Variants in WWOX observed in about 807,000 individuals in gnomAD.
WWOX encodes the protein WW domain-containing oxidoreductase.
A neutral mutation model predicts 46.2 loss-of-function variants in WWOX; 69 were observed. The ratio of observed to expected loss-of-function variants is 1.49; its 90% CI spans 1.23 to 1.82. The LOEUF is 1.82. Among genes scored for constraint, WWOX ranks in the 40% most tolerant of loss-of-function variants. WWOX has a pLI of 0.00. For missense variants in WWOX, 919 were observed against 542.6 expected (o/e 1.69, Z -6.89); for synonymous variants, 359 against 202.6 (o/e 1.77, Z -6.56).
chr16:78,977,489 A>G (rs968911914), intron 8 of WWOX, among the ~76,000 whole-genome samples: 1 of 151,928 alleles, frequency 6.6e-6, no homozygotes, highest in Non-Finnish European at 1.5e-5. Context: ...CCTTTACTTT[A>G]TTTTCCCTAT....
At chr16:78,786,102 AT>A (rs1273150085) in intron 8 of WWOX, among the ~76,000 whole-genome samples, 1 of 151,970 alleles carries the variant, frequency 6.6e-6, no homozygotes, top group African/African-American at 2.4e-5. Flanking sequence ...TAGAGGCGAG[AT>A]TTTCCCGTGT....
At chr16:79,164,774 ACT>A (rs1035105616) in intron 8 of WWOX, among the ~76,000 whole-genome samples, 24 of 152,142 alleles carry the variant, frequency 1.6e-4, no homozygotes, top group African/African-American at 5.8e-4. Context: ...GGGTCAGCAA[ACT>A]CAGTGACAGA....
At chr16:78,840,726 G>T (rs148360984) in intron 8 of WWOX, among the ~76,000 whole-genome samples, 91 of 150,814 alleles carry the variant, frequency 6.0e-4, no homozygotes, top group Middle Eastern at 3.4e-3. Context: ...AATTTTTGTG[G>T]GTACCTAGTA....
At chr16:78,775,453 A>G (rs1331295912) in intron 8 of WWOX, among the ~76,000 whole-genome samples, 1 of 152,110 alleles carries the variant, frequency 6.6e-6, no homozygotes, top group African/African-American at 2.4e-5. Context: ...AAGAACTGAG[A>G]TACCCAGACT....
intron 5 of WWOX, among the ~76,000 whole-genome samples, chr16:78,279,573 A>G (rs2079640064): frequency 6.6e-6 from 1 of 152,170 alleles, no homozygotes; most frequent in Non-Finnish European, 1.5e-5. Flanking sequence ...TAAATGCTAT[A>G]TGGAAGCCTT....
In WWOX at chr16:79,013,616, G is replaced by A. The variant is rs1339809265; in HGVS notation, c.1057-197992G>A. 2.0e-5 allele frequency among the ~76,000 whole-genome samples: 3 copies of A among 152,114 alleles called. No individual in the cohort carries two copies. In the East Asian group the frequency reaches 5.8e-4, roughly 29 times the overall value. ...GGACAGCCCACTCACCAAGGGTTAGGTCCTGTGCTGCCTGGGTCCCGGGTC... is the reference window on the plus strand; with the variant it reads ...GGACAGCCCACTCACCAAGGGTTAGATCCTGTGCTGCCTGGGTCCCGGGTC... On this transcript the variant is annotated intron_variant, in intron 8 of 8. Coordinates refer to ENST00000566780, the MANE Select transcript of WWOX (RefSeq NM_016373.4).
chr16:78,242,072 G>A (rs1325664011), intron 5 of WWOX, among the ~76,000 whole-genome samples: 2 of 152,218 alleles, frequency 1.3e-5, no homozygotes, highest in African/African-American at 2.4e-5. Flanking sequence ...TGCAGGAGCT[G>A]TTAGCCTTGC....
At position 79,189,643 on chromosome 16, in the gene WWOX, C is replaced by G. The variant is rs114793086; in HGVS notation, c.1057-21965C>G. On this transcript the variant is annotated intron_variant, in intron 8 of 8. Transcript: ENST00000566780. ...GAGGAATAATTATTTCTAGTAATTT[C>G]TGTTCTAATCTAAGGGGTTTGAGGT... Among the ~76,000 whole-genome samples the G allele has an allele frequency of 2.2e-3, 331 of 152,116 alleles. 1 individual carries two copies. The highest frequency in any genetic ancestry group is 7.8e-3 in the African/African-American group (322 of 41,488).
At chr16:79,152,261 G>A (rs564560203) in intron 8 of WWOX, among the ~76,000 whole-genome samples, 23 of 152,186 alleles carry the variant, frequency 1.5e-4, no homozygotes, top group Non-Finnish European at 2.9e-4. Context: ...GGCAGAGAAG[G>A]GTACAGGCTG....
chr16:79,089,086 G>A (rs1001208357), intron 8 of WWOX, among the ~76,000 whole-genome samples: 4 of 152,100 alleles, frequency 2.6e-5, no homozygotes, highest in African/African-American at 7.2e-5. Flanking sequence ...AATACAGTTC[G>A]TGTGCTGTAC....
chr16:78,115,114 T>C lies in WWOX; in HGVS notation c.369T>C (p.Thr123=). 1 of 1,614,182 alleles carries C rather than the reference T, an allele frequency of 6.2e-7. No individual in the cohort carries two copies. The highest frequency in any genetic ancestry group is 8.5e-7 in the Non-Finnish European group (1 of 1,180,026). ...AAATTCTCCAGGGCCGGGATTTCAC[T>C]GGCAAAGTGGTTGTGGTCACTGGAG... The part of the protein sequence containing the change: ...AMEILQGRDF[T]GKVVVVTGAN... The change falls in exon 4 of 9, where the codon ACT becomes ACC. Residue 123 remains threonine (T), a synonymous_variant. Coordinates refer to ENST00000566780, the MANE Select transcript of WWOX (RefSeq NM_016373.4).
chr16:78,919,725 C>T (rs756404050), intron 8 of WWOX, among the ~76,000 whole-genome samples: 1 of 151,904 alleles, frequency 6.6e-6, no homozygotes, highest in Non-Finnish European at 1.5e-5. Flanking sequence ...CCATATTGGC[C>T]CAGCTGGTCT....
At chr16:78,254,172 G>T (rs1475674308) in intron 5 of WWOX, among the ~76,000 whole-genome samples, 2 of 151,970 alleles carry the variant, frequency 1.3e-5, no homozygotes, top group African/African-American at 4.8e-5. Context: ...CCAGGCTCAA[G>T]CGATCCTCCT....
intron 8 of WWOX, among the ~76,000 whole-genome samples, chr16:79,035,406 C>T (rs1247849293): frequency 6.6e-6 from 1 of 151,376 alleles, no homozygotes; most frequent in African/African-American, 2.4e-5. Flanking sequence ...GGGAGGTGAA[C>T]TAAAGTTGGT....
chr16:78,498,204 C>CAAAAAAA lies in WWOX; in HGVS notation c.1056+65460_1056+65466dup, dbSNP rs530261157. The stretch of plus-strand genomic sequence containing the variant: ...TGGGCAACAGAGCAAGACTCCATCT[C>CAAAAAAA]AAAAAAAAAAAAAAGAAAAAAAAGC... On this transcript the variant is annotated intron_variant, in intron 8 of 8. Transcript: ENST00000566780. Among the ~76,000 whole-genome samples, 14 of 19,554 alleles carry CAAAAAAA rather than the reference C, an allele frequency of 7.2e-4. 2 individuals carry two copies. The highest frequency in any genetic ancestry group is 1.8e-3 in the Non-Finnish European group (11 of 6,106). 12.8% of individuals were successfully genotyped at this position (19,554 alleles called of 152,430 possible). A position where few individuals can be genotyped will look rare whatever the true frequency, so the allele number is the denominator to read the frequency against.
At chr16:78,749,689 G>A (rs544839110) in intron 8 of WWOX, among the ~76,000 whole-genome samples, 1 of 152,148 alleles carries the variant, frequency 6.6e-6, no homozygotes, top group Admixed American at 6.5e-5. Flanking sequence ...CTCAAAATAG[G>A]TGTCATTTAA....
At chr16:78,654,863 A>T (rs1008616600) in intron 8 of WWOX, among the ~76,000 whole-genome samples, 27 of 151,442 alleles carry the variant, frequency 1.8e-4, no homozygotes, top group African/African-American at 6.3e-4. Flanking sequence ...TCAATGCAGC[A>T]GTCAAATTTT....
intron 8 of WWOX, among the ~76,000 whole-genome samples, chr16:78,447,251 T>C (rs2083582487): frequency 6.6e-6 from 1 of 152,358 alleles, no homozygotes; most frequent in South Asian, 2.1e-4. Flanking sequence ...TGTAACTCTG[T>C]ACATTTACTC....
At chr16:78,154,131 C>G (rs951600766) in intron 4 of WWOX, among the ~76,000 whole-genome samples, 1 of 152,182 alleles carries the variant, frequency 6.6e-6, no homozygotes, top group Non-Finnish European at 1.5e-5. Context: ...CAGTGGCCCA[C>G]AGGGCACCTT....
Sources: allele counts gnomAD v4.1 joint callset (sites outside exome capture counted in the v4.1 genomes callset), GRCh38; gene constraint gnomAD v4.1.1; transcripts MANE v1.5; gene names NCBI Gene and HGNC (gene_info 2026-07-23, HGNC 2026-07-21).